The following VHL variants were observed in gnomAD, a reference collection of about 807,000 sequenced individuals.
The protein encoded by VHL is von Hippel-Lindau tumor suppressor.
VHL carries 10 observed loss-of-function variants against 19.2 expected under a neutral mutation model. The ratio of observed to expected loss-of-function variants is 0.52; its 90% CI spans 0.32 to 0.89. The LOEUF is 0.89. Among genes scored for constraint, VHL ranks in the 40% least tolerant of loss-of-function variants. The pLI is 0.03. For synonymous variants in VHL, 167 were observed against 129.5 expected, an observed-to-expected ratio of 1.29 and a Z score of -1.97; for missense variants, 328 against 292.7, an observed-to-expected ratio of 1.12 and a Z score of -0.88.
At chr3:10,144,779 C>T (rs1304136295) in intron 1 of VHL, among the ~76,000 whole-genome samples, 1 of 151,674 alleles carries the variant, frequency 6.6e-6, no homozygotes, top group African/African-American at 2.4e-5. Context: ...TTTTATTATA[C>T]TTTAAGTTCT....
intron 1 of VHL, among the ~76,000 whole-genome samples, chr3:10,146,173 CTTTTTTTTT>C (rs367615363): frequency 7.6e-6 from 1 of 131,560 alleles, no homozygotes; most frequent in Non-Finnish European, 1.6e-5. Flanking sequence ...CAGTCTGGCT[CTTTTTTTTT>C]TTTTTTTTGG....
rs777130107 is a variant in VHL at position 10,149,937 on chromosome 3, G to A, written c.614G>A (p.Arg205His). The change falls in exon 3 of 3, where the codon CGC becomes CAC. Residue 205 changes from arginine to histidine, a missense_variant. Physicochemically the swap from Arg to His is conservative, Grantham distance 29. Coordinates refer to ENST00000256474, the MANE Select transcript of VHL (RefSeq NM_000551.4). The part of the protein sequence containing the change: ...QKDLERLTQE[R>H]IAHQRMGD ...GACCTGGAGCGGCTGACACAGGAGC[G>A]CATTGCACATCAACGGATGGGAGAT... 1.5e-5 allele frequency: 24 copies of A among 1,614,068 alleles called. No homozygotes were observed. The East Asian group carries it at 2.2e-4, about 15-fold the overall frequency.
intron 2 of VHL, 85 bp downstream of exon 2, chr3:10,146,721 A>G (rs534301494): frequency 3.2e-6 from 5 of 1,583,240 alleles, no homozygotes; most frequent in African/African-American, 2.7e-5. Flanking sequence ...CCAGTTCTCA[A>G]TTTTTGCCTG....
intron 2 of VHL, among the ~76,000 whole-genome samples, chr3:10,148,254 G>A (rs999704095): frequency 4.0e-5 from 6 of 151,390 alleles, no homozygotes; most frequent in Non-Finnish European, 7.4e-5. Flanking sequence ...ATACCCTCGA[G>A]TACGTTTCCA....
intron 2 of VHL, among the ~76,000 whole-genome samples, chr3:10,149,356 ACTGACGTTGG>A (rs1696343722): frequency 6.6e-6 from 1 of 151,878 alleles, no homozygotes; most frequent in Non-Finnish European, 1.5e-5. Context: ...CAGGCGATCT[ACTGACGTTGG>A]CCTCCCAAAG....
intron 1 of VHL, among the ~76,000 whole-genome samples, chr3:10,146,262 C>T (rs1696252728): frequency 2.0e-5 from 3 of 151,560 alleles, no homozygotes; most frequent in African/African-American, 7.3e-5. Flanking sequence ...CAAGCTCCAC[C>T]TCCTGGGTTC....
intron 2 of VHL, among the ~76,000 whole-genome samples, chr3:10,149,208 G>C (rs1231902959): frequency 1.3e-5 from 2 of 151,576 alleles, no homozygotes; most frequent in Non-Finnish European, 2.9e-5. Flanking sequence ...TGCCTCCAGG[G>C]CTCAAGTGAT....
chr3:10,141,851 C>A lies in VHL; in HGVS notation c.4C>A (p.Pro2Thr). M[P>T]RRAENWDEAE... Reference sequence around the variant, plus strand: ...GGTGGTCTGGATCGCGGAGGGAATGCCCCGGAGGGCGGAGAACTGGGACGA... The same window carrying A: ...GGTGGTCTGGATCGCGGAGGGAATGACCCGGAGGGCGGAGAACTGGGACGA... Residue 2 changes from proline to threonine, a missense_variant, in exon 1 of 3, where the codon CCC becomes ACC. Pro to Thr is a conservative substitution (Grantham distance 38, BLOSUM62 -1). Transcript: ENST00000256474. 1 of 1,535,438 alleles carries A rather than the reference C, an allele frequency of 6.5e-7. No individual in the cohort carries two copies. Among genetic ancestry groups the A allele is most frequent in the Non-Finnish European group, 8.8e-7 (1 of 1,139,764 alleles).
Position 10,141,823 on chromosome 3 carries a change from C to G in VHL, c.-25C>G, listed in dbSNP as rs1340337531. 6.5e-7 allele frequency: 1 copy of G among 1,536,672 alleles called. No homozygotes were observed. Among genetic ancestry groups the G allele is most frequent in the Non-Finnish European group, 8.8e-7 (1 of 1,141,320 alleles). On this transcript the variant is annotated 5_prime_UTR_variant, in exon 1 of 3. Transcript: ENST00000256474. The stretch of plus-strand genomic sequence containing the variant: ...ACCCGCGGATCCCGCGGCGTCCGGC[C>G]CGGGTGGTCTGGATCGCGGAGGGAA...
chr3:10,142,440 G>A, intron 1 of VHL: 1 of 515,244 alleles, frequency 1.9e-6, no homozygotes, highest in Non-Finnish European at 3.4e-6. Context: ...CCGCCTCCCG[G>A]GTTCAAGCGA....
chr3:10,143,225 G>A (rs1696171265), intron 1 of VHL, among the ~76,000 whole-genome samples: 1 of 152,062 alleles, frequency 6.6e-6, no homozygotes, highest in Non-Finnish European at 1.5e-5. Flanking sequence ...CTGCCACCTG[G>A]GGTCAAGTGG....
intron 1 of VHL, among the ~76,000 whole-genome samples, chr3:10,145,575 G>T (rs1414011082): frequency 6.6e-6 from 1 of 151,808 alleles, no homozygotes; most frequent in African/African-American, 2.4e-5. Flanking sequence ...GCGTGGTGGC[G>T]GGCACCTGTG....
At chr3:10,143,064 G>C (rs1429780348) in intron 1 of VHL, 1 of 152,192 alleles carries the variant, frequency 6.6e-6, no homozygotes, top group Non-Finnish European at 1.5e-5. Context: ...CTGGAGTCTT[G>C]GGAGAGGATG....
At chr3:10,145,938 G>A (rs1368926129) in intron 1 of VHL, among the ~76,000 whole-genome samples, 1 of 152,086 alleles carries the variant, frequency 6.6e-6, no homozygotes, top group Non-Finnish European at 1.5e-5. Context: ...GTAGCAGAAA[G>A]GGCATGGGAT....
rs950803208 is a variant in VHL at position 10,142,301 on chromosome 3, A to G, written c.340+114A>G. ...GGGAACTGAGGCCCCTTGAGGCAGGACACATCCAGGGTGACGCTGCTCGTA... is the reference window on the plus strand; with the variant it reads ...GGGAACTGAGGCCCCTTGAGGCAGGGCACATCCAGGGTGACGCTGCTCGTA... On this transcript the variant is annotated intron_variant, in intron 1 of 2. Transcript: ENST00000256474. The G allele has an allele frequency of 1.8e-5, 21 of 1,187,370 alleles. 1 individual carries two copies. The highest frequency in any genetic ancestry group is 1.7e-4 in the South Asian group (13 of 74,938). The allele number at this position is 1,187,370 out of a possible 1,614,324, so 73.6% of individuals were successfully genotyped here. A position where few individuals can be genotyped will look rare whatever the true frequency, so the allele number is the denominator to read the frequency against.
intron 2 of VHL, among the ~76,000 whole-genome samples, chr3:10,147,166 C>A (rs570867481): frequency 6.6e-6 from 1 of 151,692 alleles, no homozygotes; most frequent in African/African-American, 2.4e-5. Flanking sequence ...CGTGTGCCAC[C>A]CACTCTGATA....
chr3:10,150,220 T>C lies in VHL; in HGVS notation c.*255T>C, dbSNP rs1696375685. ...CAGGAGAAGGTGGTGGCATTTTTGC[T>C]TCCTAGTAAGTCAGGACAGCTTGTA... is the stretch of plus-strand genomic sequence containing the variant. On this transcript the variant is annotated 3_prime_UTR_variant, in exon 3 of 3. Transcript: ENST00000256474. 1 of 1,356,116 alleles carries C rather than the reference T, an allele frequency of 7.4e-7. No individual in the cohort carries two copies. 84.0% of individuals were successfully genotyped at this position (1,356,116 alleles called of 1,614,324 possible). A position where few individuals can be genotyped will look rare whatever the true frequency, so the allele number is the denominator to read the frequency against.
At chr3:10,149,599 A>G (rs1393070324) in intron 2 of VHL, among the ~76,000 whole-genome samples, 188 bp from the exon 3 acceptor site, 1 of 152,228 alleles carries the variant, frequency 6.6e-6, no homozygotes. Context: ...CTACAGAGGC[A>G]TGAACACCAT....
intron 1 of VHL, 151 bp downstream of exon 1, chr3:10,142,338 A>ATT (rs1412704598): frequency 1.4e-5 from 6 of 418,190 alleles, no homozygotes; most frequent in Admixed American, 6.2e-5. Context: ...GCGTCAGAGC[A>ATT]TTCTTTTTTT....
Sources: gnomAD v4.1 joint callset for allele counts (sites outside exome capture counted in the v4.1 genomes callset) on GRCh38, gnomAD v4.1.1 for gene constraint, MANE v1.5 for transcripts, NCBI Gene and HGNC (gene_info 2026-07-23, HGNC 2026-07-21) for gene names.